The following SETD1B variants were observed in gnomAD, a reference collection of about 807,000 sequenced individuals.
SETD1B encodes the protein histone-lysine N-methyltransferase SETD1B.
SETD1B carries 7 observed loss-of-function variants against 148.0 expected under a neutral mutation model. The ratio of observed to expected loss-of-function variants is 0.05; its 90% CI spans 0.03 to 0.09. The LOEUF (loss-of-function observed/expected upper bound fraction) is 0.09, where lower values mean the gene tolerates loss of function less well. Among genes scored for constraint, SETD1B ranks in the 10% least tolerant of loss-of-function variants. The probability of loss-of-function intolerance (pLI) is 1.00; values close to 1 mark genes in which losing one functional copy is unlikely to be tolerated. For missense variants in SETD1B, 2,155 were observed against 2,729.9 expected (o/e 0.79, Z 4.69); for synonymous variants, 1,361 against 1,186.5 (o/e 1.15, Z -3.02).
At position 121,806,628 on chromosome 12, in the gene SETD1B, T is replaced by A. The variant is rs537031318; in HGVS notation, c.544+523T>A. On this transcript the variant is annotated intron_variant, in intron 4 of 16. Coordinates refer to ENST00000604567, the MANE Select transcript of SETD1B (RefSeq NM_001353345.2). ...CCAATCTGGGGCCAGGAGTGTTGTT[T>A]CATTGATAAGGTTCTCGACAGAGCC... 2.0e-5 allele frequency among the ~76,000 whole-genome samples: 3 copies of A among 152,286 alleles called. 1 individual carries two copies. In the South Asian group the frequency reaches 6.2e-4, roughly 32 times the overall value.
At chr12:121,796,989 A>C in the SETD1B span, among the ~76,000 whole-genome samples, 1 of 151,950 alleles carries the variant, frequency 6.6e-6, no homozygotes, top group South Asian at 2.1e-4. Flanking sequence ...GTGAGCCCAG[A>C]TCACACCATT....
chr12:121,801,688 G>C (rs533775990), upstream of SETD1B: 1 of 152,504 alleles, frequency 6.6e-6, no homozygotes, highest in South Asian at 2.1e-4. Flanking sequence ...GGTTATGGTG[G>C]TGTCTTTGTT....
At chr12:121,797,775 G>C in the SETD1B span, 38 of 355,308 alleles carry the variant, frequency 1.1e-4, no homozygotes, top group African/African-American at 7.5e-4. Flanking sequence ...TGAGAGCAAC[G>C]GGGTTCAATG....
chr12:121,808,386 C>A lies in SETD1B; in HGVS notation c.657+66C>A. 1 of 1,093,420 alleles carries A rather than the reference C, an allele frequency of 9.1e-7. No individual in the cohort carries two copies. 67.7% of individuals were successfully genotyped at this position (1,093,420 alleles called of 1,614,324 possible). A position where few individuals can be genotyped will look rare whatever the true frequency, so the allele number is the denominator to read the frequency against. The stretch of plus-strand genomic sequence containing the variant: ...TGATGTGCCCCCCACCTCTGGAAAG[C>A]CTCACCAACTCTCTTATGGGACCCC... On this transcript the variant is annotated intron_variant, in intron 5 of 16. Transcript: ENST00000604567. The surrounding 1 kb of genome is among the most constrained non-coding windows in gnomAD (Gnocchi z 5.3).
intron 5 of SETD1B, 29 bp from the exon 6 acceptor site, chr12:121,809,574 A>C (rs1484544587): frequency 1.3e-5 from 19 of 1,511,680 alleles, no homozygotes; most frequent in Non-Finnish European, 1.7e-5. Context: ...GTTTTCCCCC[A>C]GTGGTCTGAC....
In SETD1B at chr12:121,810,946, A is replaced by G. The variant is rs1045100377; in HGVS notation, c.1890+111A>G. The G allele has an allele frequency of 2.3e-6, 3 of 1,322,924 alleles. No homozygotes were observed. The highest frequency in any genetic ancestry group is 6.1e-5 in the Admixed American group (2 of 32,990). 81.9% of individuals were successfully genotyped at this position (1,322,924 alleles called of 1,614,324 possible). On this transcript the variant is annotated intron_variant, in intron 6 of 16. Coordinates refer to ENST00000604567, the MANE Select transcript of SETD1B (RefSeq NM_001353345.2). The surrounding 1 kb of genome is among the most constrained non-coding windows in gnomAD (Gnocchi z 7.6). ...GCTAAGATGCGGAAGCAATGGGGCT[A>G]GGAAAGCCAATATAACAGGTGGAAC...
At position 121,828,034 on chromosome 12, in the gene SETD1B, C is replaced by T. The variant is rs769929820; in HGVS notation, c.5691C>T (p.Cys1897=). 22 of 1,552,160 alleles carry T rather than the reference C, an allele frequency of 1.4e-5. No homozygotes were observed. The highest frequency in any genetic ancestry group is 1.7e-4 in the Middle Eastern group (1 of 6,014). The stretch of plus-strand genomic sequence containing the variant: ...ACACCATCATCGACGCCACCAAGTG[C>T]GGCAACTTCGCGCGCTTCATCAACC... ...DHDTIIDATK[C]GNFARFINHS... Residue 1897 remains cysteine (C), a synonymous_variant, in exon 16 of 17, where the codon TGC becomes TGT. Coordinates refer to ENST00000604567, the MANE Select transcript of SETD1B (RefSeq NM_001353345.2).
chr12:121,823,343 C>T lies in SETD1B; in HGVS notation c.4764C>T (p.Pro1588=), dbSNP rs1404054142. ...GIPAPPPPLP[P]QPPPPPPPPP... is the part of the protein sequence containing the mutation. The stretch of plus-strand genomic sequence containing the variant: ...CAGCCCCTCCACCACCCCTTCCCCC[C>T]CAGCCACCCCCACCCCCACCTCCCC... Residue 1588 remains proline, a synonymous_variant, in exon 12 of 17, where the codon CCC becomes CCT. Coordinates refer to ENST00000604567, the MANE Select transcript of SETD1B (RefSeq NM_001353345.2). 11 of 1,313,722 alleles carry T rather than the reference C, an allele frequency of 8.4e-6. No homozygotes were observed. The highest frequency in any genetic ancestry group is 3.0e-5 in the African/African-American group (2 of 66,900). The allele number at this position is 1,313,722 out of a possible 1,614,324, so 81.4% of individuals were successfully genotyped here. A position where few individuals can be genotyped will look rare whatever the true frequency, so the allele number is the denominator to read the frequency against.
chr12:121,812,564 C>T (rs1452447493), intron 6 of SETD1B, among the ~76,000 whole-genome samples: 1 of 152,078 alleles, frequency 6.6e-6, no homozygotes, highest in African/African-American at 2.4e-5. Flanking sequence ...GGGGCAGGGC[C>T]GGCCGGGGCT....
At chr12:121,824,277 A>G (rs1299913768) in intron 12 of SETD1B, among the ~76,000 whole-genome samples, 1 of 152,208 alleles carries the variant, frequency 6.6e-6, no homozygotes, top group African/African-American at 2.4e-5. Context: ...GGCTGTTCAC[A>G]TAGGCCAGTG....
chr12:121,802,418 A>G (rs1875427153), upstream of SETD1B: 1 of 152,212 alleles, frequency 6.6e-6, no homozygotes, highest in Non-Finnish European at 1.5e-5. Flanking sequence ...TGTTGCTGCC[A>G]TTTCGCTAGT....
chr12:121,813,156 G>A (rs1221821642), intron 6 of SETD1B, among the ~76,000 whole-genome samples: 2 of 152,206 alleles, frequency 1.3e-5, no homozygotes, highest in Non-Finnish European at 2.9e-5. Context: ...GAGGCTCTGA[G>A]TGTGTTTATT....
chr12:121,816,434 A>G (rs1478288763), intron 7 of SETD1B, among the ~76,000 whole-genome samples: 3 of 152,224 alleles, frequency 2.0e-5, no homozygotes, highest in Non-Finnish European at 4.4e-5. Flanking sequence ...TCACTGATAC[A>G]CAGCTCTTTA....
chr12:121,817,740 C>G lies in SETD1B; in HGVS notation c.3312+36C>G. The G allele has an allele frequency of 6.5e-7, 1 of 1,536,994 alleles. No homozygotes were observed. Among genetic ancestry groups the G allele is most frequent in the East Asian group, 2.5e-5 (1 of 40,576 alleles). On this transcript the variant is annotated intron_variant, in intron 9 of 16. Coordinates refer to ENST00000604567, the MANE Select transcript of SETD1B (RefSeq NM_001353345.2). This position sits in a 1 kb window ranked among gnomAD's most constrained non-coding sequence, Gnocchi z 8.1. ...GGCCAGGAAGCCTCAGGGGGCCGGG[C>G]CAGGCGACGAGGGCCAGACCCTTCG...
rs1279366270 is a variant in SETD1B, at chr12:121,817,351, ACTCC to A, written c.2978-12_2978-9del. 2.6e-6 allele frequency: 4 copies of A among 1,531,010 alleles called. No individual in the cohort carries two copies. Among genetic ancestry groups the A allele is most frequent in the Non-Finnish European group, 3.5e-6 (4 of 1,134,992 alleles). 94.8% of individuals were successfully genotyped at this position (1,531,010 alleles called of 1,614,324 possible). ...TCCGCATCCCCCCAGCCCAGCTCTGACTCCCTCCCTTCCTGCAGAGTCCGAGCGA... is the reference window on the plus strand; with the variant it reads ...TCCGCATCCCCCCAGCCCAGCTCTGACTCCCTTCCTGCAGAGTCCGAGCGA... On this transcript the variant is annotated splice_polypyrimidine_tract_variant and intron_variant, in intron 8 of 16. Coordinates refer to ENST00000604567, the MANE Select transcript of SETD1B (RefSeq NM_001353345.2). This position sits in a 1 kb window ranked among gnomAD's most constrained non-coding sequence, Gnocchi z 8.1.
upstream of SETD1B, chr12:121,799,731 T>TGGGGGTGGGG (rs1308261766): frequency 9.1e-4 from 29 of 31,730 alleles, 1 homozygote; most frequent in East Asian, 0.03. Context: ...GGGGGGGGGG[T>TGGGGGTGGGG]GGGGTGGGGC....
the SETD1B span, among the ~76,000 whole-genome samples, chr12:121,791,740 C>T: frequency 6.6e-6 from 1 of 152,210 alleles, no homozygotes; most frequent in South Asian, 2.1e-4. Context: ...GAACAGTGAA[C>T]CCCGGGACCT....
In SETD1B at chr12:121,809,865, C is replaced by A. The variant is rs1254061567; in HGVS notation, c.920C>A (p.Thr307Asn). 6.4e-7 allele frequency: 1 copy of A among 1,551,264 alleles called. No individual in the cohort carries two copies. The highest frequency in any genetic ancestry group is 2.0e-5 in the Admixed American group (1 of 50,976). The part of the protein sequence containing the change: ...SYLFSQDPAV[T>N]FKARRHESKF... ...CTCTTCAGCCAGGACCCTGCAGTGA[C>A]CTTCAAGGCCCGGCGCCACGAGAGC... Residue 307 changes from threonine (T) to asparagine (N), a missense_variant, in exon 6 of 17, where the codon ACC becomes AAC. This residue lies in a region of SETD1B where 376 missense variants were observed against 385.0 expected (regional missense o/e 0.98). Coordinates refer to ENST00000604567, the MANE Select transcript of SETD1B (RefSeq NM_001353345.2).
At chr12:121,821,253 G>A (rs79046915) in intron 11 of SETD1B, among the ~76,000 whole-genome samples, 5 of 152,028 alleles carry the variant, frequency 3.3e-5, no homozygotes, top group African/African-American at 7.2e-5. Context: ...CTGCTCCCAC[G>A]GAGCAGGGGA....
Sources: allele counts gnomAD v4.1 joint callset (sites outside exome capture counted in the v4.1 genomes callset), GRCh38; gene constraint gnomAD v4.1.1; regional missense constraint gnomAD v4.1.1; non-coding constraint Gnocchi (gnomAD v3.1); transcripts MANE v1.5; gene names NCBI Gene and HGNC (gene_info 2026-07-23, HGNC 2026-07-21).